The following KIAA1217 variants were observed in gnomAD, a reference collection of about 807,000 sequenced individuals.
KIAA1217 encodes the protein sickle tail protein homolog.
Under a neutral mutation model 163.9 loss-of-function variants are expected in KIAA1217, and 88 were observed. That is an observed-to-expected ratio of 0.54 (90% CI 0.45 to 0.64). KIAA1217 has a LOEUF of 0.64. KIAA1217 is among the 30% of genes least tolerant of loss of function. The probability of loss-of-function intolerance (pLI) is 0.00; values close to 1 mark genes in which losing one functional copy is unlikely to be tolerated. For synonymous variants in KIAA1217, 903 were observed against 923.1 expected (o/e 0.98, Z 0.39); for missense variants, 2,372 against 2,475.0 (o/e 0.96, Z 0.88).
At chr10:23,701,304 A>G (rs937847946) in intron 1 of KIAA1217, among the ~76,000 whole-genome samples, 4 of 152,160 alleles carry the variant, frequency 2.6e-5, no homozygotes, top group Non-Finnish European at 4.4e-5. Flanking sequence ...AAATAAATGC[A>G]TTTATCTCTC....
At chr10:23,834,717 T>C (rs148126675) in intron 1 of KIAA1217, among the ~76,000 whole-genome samples, 1 of 152,112 alleles carries the variant, frequency 6.6e-6, no homozygotes, top group African/African-American at 2.4e-5. Flanking sequence ...AGTTTGAAGA[T>C]AAAACTAAAT....
chr10:23,796,641 G>T (rs1380082869), intron 1 of KIAA1217, among the ~76,000 whole-genome samples: 13 of 152,054 alleles, frequency 8.5e-5, no homozygotes, highest in Admixed American at 8.5e-4. Flanking sequence ...GGGATTATAG[G>T]CATGAATCAC....
chr10:24,304,315 G>T (rs143995043), intron 2 of KIAA1217, among the ~76,000 whole-genome samples: 1 of 148,364 alleles, frequency 6.7e-6, no homozygotes, highest in African/African-American at 2.5e-5. Context: ...TTTTGTTTTA[G>T]ATCTACTTGG....
intron 2 of KIAA1217, among the ~76,000 whole-genome samples, chr10:24,111,528 A>G (rs954409890): frequency 3.9e-5 from 6 of 152,316 alleles, no homozygotes; most frequent in African/African-American, 1.4e-4. Context: ...ACTAGAAAAA[A>G]CTATCTAAAA....
chr10:23,995,964 A>G (rs1363388698), intron 1 of KIAA1217, among the ~76,000 whole-genome samples: 1 of 152,176 alleles, frequency 6.6e-6, no homozygotes, highest in Non-Finnish European at 1.5e-5. Context: ...AATGGAAGCC[A>G]TGAAACAGTC....
chr10:24,247,688 C>G (rs1590202863), intron 2 of KIAA1217, among the ~76,000 whole-genome samples: 1 of 152,128 alleles, frequency 6.6e-6, no homozygotes, highest in African/African-American at 2.4e-5. Context: ...GTAGTCCCAG[C>G]TACTCAGGAG....
chr10:24,025,512 T>C (rs118099399), intron 2 of KIAA1217, among the ~76,000 whole-genome samples: 7 of 151,788 alleles, frequency 4.6e-5, no homozygotes, highest in Admixed American at 3.9e-4. Flanking sequence ...CATTTTTATA[T>C]AAATTTTAGA....
At chr10:23,785,680 G>T (rs1835461956) in intron 1 of KIAA1217, among the ~76,000 whole-genome samples, 1 of 152,072 alleles carries the variant, frequency 6.6e-6, no homozygotes, top group Non-Finnish European at 1.5e-5. Flanking sequence ...GTTGGGCTTT[G>T]GTAGATTTTA....
At chr10:24,434,057 G>A (rs1313562827) in intron 4 of KIAA1217, among the ~76,000 whole-genome samples, 2 of 80,262 alleles carry the variant, frequency 2.5e-5, no homozygotes, top group East Asian at 4.0e-4. Context: ...TTTTTTTTAT[G>A]AGACAGTCTT....
chr10:24,353,941 T>A (rs1192767205), intron 2 of KIAA1217, among the ~76,000 whole-genome samples: 1 of 152,228 alleles, frequency 6.6e-6, no homozygotes, highest in Non-Finnish European at 1.5e-5. Flanking sequence ...GCAGAGTGTA[T>A]GAACTCCACT....
intron 13 of KIAA1217, among the ~76,000 whole-genome samples, chr10:24,527,593 G>A (rs574903081): frequency 2.6e-5 from 4 of 151,926 alleles, no homozygotes; most frequent in Admixed American, 6.6e-5. Flanking sequence ...AAGCCCAGAT[G>A]TTGGAGGCTG....
At chr10:24,087,713 G>A (rs556025036) in intron 2 of KIAA1217, among the ~76,000 whole-genome samples, 2 of 152,332 alleles carry the variant, frequency 1.3e-5, no homozygotes, top group African/African-American at 4.8e-5. Context: ...TCTAGCCCAT[G>A]AAGAAAAGCA....
chr10:23,886,615 T>C (rs903594431), intron 1 of KIAA1217, among the ~76,000 whole-genome samples: 1 of 151,982 alleles, frequency 6.6e-6, no homozygotes, highest in African/African-American at 2.4e-5. Context: ...ACCCAGCAAC[T>C]GACTTAATGA....
chr10:24,410,978 CTCAGTGTTATGT>C (rs1312191784), intron 3 of KIAA1217, among the ~76,000 whole-genome samples: 2 of 152,210 alleles, frequency 1.3e-5, no homozygotes, highest in African/African-American at 4.8e-5. Flanking sequence ...ACACACAGGA[CTCAGTGTTATGT>C]TCTTTTTTTC....
intron 2 of KIAA1217, among the ~76,000 whole-genome samples, chr10:24,094,049 ATTG>A (rs1354682085): frequency 2.0e-5 from 3 of 151,374 alleles, no homozygotes; most frequent in African/African-American, 7.3e-5. Context: ...CCAGTCTATC[ATTG>A]TTGGACATTT....
intron 2 of KIAA1217, among the ~76,000 whole-genome samples, chr10:24,038,517 C>T (rs894347330): frequency 7.2e-5 from 11 of 152,266 alleles, no homozygotes; most frequent in South Asian, 2.1e-4. Flanking sequence ...CATAAAGGGA[C>T]ATAACCTGTT....
intron 19 of KIAA1217, 45 bp from the exon 20 acceptor site, chr10:24,544,936 A>G (rs2075555447): frequency 6.2e-7 from 1 of 1,601,576 alleles, no homozygotes; most frequent in Non-Finnish European, 8.5e-7. Flanking sequence ...TGACCTACTC[A>G]TGCGCTTCTC....
At chr10:23,849,021 G>C (rs906892919) in intron 1 of KIAA1217, among the ~76,000 whole-genome samples, 1 of 151,920 alleles carries the variant, frequency 6.6e-6, no homozygotes, top group Non-Finnish European at 1.5e-5. Flanking sequence ...CCAGAACCTG[G>C]CACAGTCCTA....
At chr10:23,830,821 T>TACACACACACAC (rs139183459) in intron 1 of KIAA1217, among the ~76,000 whole-genome samples, 29 of 147,546 alleles carry the variant, frequency 2.0e-4, no homozygotes, top group African/African-American at 7.2e-4. Context: ...GATATATGTG[T>TACACACACACAC]ACACACACAC....
Sources: gnomAD v4.1 joint callset for allele counts (sites outside exome capture counted in the v4.1 genomes callset) on GRCh38, gnomAD v4.1.1 for gene constraint, MANE v1.5 for transcripts, NCBI Gene and HGNC (gene_info 2026-07-23, HGNC 2026-07-21) for gene names.